The following CSMD1 variants were observed in gnomAD, a reference collection of about 807,000 sequenced individuals.
The protein encoded by CSMD1 is CUB and Sushi multiple domains 1.
Under a neutral mutation model 417.5 loss-of-function variants are expected in CSMD1, and 213 were observed. The observed-to-expected ratio is 0.51, with a 90% CI of 0.46 to 0.57. The LOEUF is 0.57. Ranked by LOEUF, CSMD1 falls within the 20% of genes least tolerant of loss-of-function variation. The probability of loss-of-function intolerance (pLI) is 0.00; values close to 1 mark genes in which losing one functional copy is unlikely to be tolerated. For synonymous variants in CSMD1, 2,862 were observed against 1,736.8 expected (o/e 1.65, Z -16.11); for missense variants, 6,923 against 4,529.7 (o/e 1.53, Z -15.17).
At chr8:3,646,275 T>C (rs1200764617) in intron 7 of CSMD1, among the ~76,000 whole-genome samples, 1 of 152,176 alleles carries the variant, frequency 6.6e-6, no homozygotes, top group Non-Finnish European at 1.5e-5. Context: ...AACTGTAATT[T>C]TTCTCAGTTG....
At chr8:4,576,982 C>T (rs910107315) in intron 2 of CSMD1, among the ~76,000 whole-genome samples, 2 of 152,170 alleles carry the variant, frequency 1.3e-5, no homozygotes, top group African/African-American at 4.8e-5. Context: ...TCGATGAACA[C>T]AGTGTGATTC....
chr8:3,104,787 A>G (rs1353367214), intron 46 of CSMD1, among the ~76,000 whole-genome samples: 1 of 149,350 alleles, frequency 6.7e-6, no homozygotes, highest in Non-Finnish European at 1.5e-5. Flanking sequence ...GGCTCACTGC[A>G]ACCTCCACCT....
intron 3 of CSMD1, among the ~76,000 whole-genome samples, chr8:4,099,719 C>T (rs907462264): frequency 6.6e-6 from 1 of 152,094 alleles, no homozygotes; most frequent in Non-Finnish European, 1.5e-5. Flanking sequence ...TGGGACTTTA[C>T]TTGCTTTCTC....
intron 5 of CSMD1, among the ~76,000 whole-genome samples, chr8:3,917,612 A>ATCACT (rs5888999): frequency 3.3e-5 from 5 of 151,700 alleles, no homozygotes; most frequent in Admixed American, 6.6e-5. Context: ...CTTCATATTT[A>ATCACT]TATTTTACCT....
At chr8:3,787,284 A>G (rs185773076) in intron 5 of CSMD1, among the ~76,000 whole-genome samples, 256 of 152,294 alleles carry the variant, frequency 1.7e-3, no homozygotes, top group Middle Eastern at 0.01. Context: ...ACCATAATCA[A>G]TTTTAGAAAA....
intron 2 of CSMD1, among the ~76,000 whole-genome samples, chr8:4,549,693 A>T (rs1797780484): frequency 6.6e-6 from 1 of 151,942 alleles, no homozygotes; most frequent in South Asian, 2.1e-4. Context: ...GTTCAAGACC[A>T]GCCTGGGCAA....
intron 1 of CSMD1, among the ~76,000 whole-genome samples, chr8:4,716,054 C>A (rs765847738): frequency 4.6e-5 from 7 of 152,186 alleles, no homozygotes; most frequent in Non-Finnish European, 8.8e-5. Flanking sequence ...AGTAAGGGAG[C>A]TGACAGAGAA....
chr8:3,009,791 T>C (rs959185686), intron 52 of CSMD1, among the ~76,000 whole-genome samples: 1 of 152,186 alleles, frequency 6.6e-6, no homozygotes, highest in African/African-American at 2.4e-5. Context: ...CAACACTCTG[T>C]GCTGTTTGTG....
intron 1 of CSMD1, among the ~76,000 whole-genome samples, chr8:4,770,914 C>G (rs910532119): frequency 2.0e-5 from 3 of 152,062 alleles, no homozygotes; most frequent in African/African-American, 7.2e-5. Flanking sequence ...TCCCATATAT[C>G]ACACCAAAAA....
intron 1 of CSMD1, among the ~76,000 whole-genome samples, chr8:4,876,348 C>T (rs1803043197): frequency 6.6e-6 from 1 of 151,978 alleles, no homozygotes; most frequent in Admixed American, 6.5e-5. Flanking sequence ...CTACAGGTAA[C>T]AAACAATTGT....
chr8:3,080,379 G>T (rs1814000412), intron 49 of CSMD1, among the ~76,000 whole-genome samples: 1 of 152,192 alleles, frequency 6.6e-6, no homozygotes, highest in Non-Finnish European at 1.5e-5. Context: ...AGATCTGCCT[G>T]GCTTTATCAA....
At chr8:3,052,787 T>C in intron 49 of CSMD1, 140 bp from the exon 50 acceptor site, 1 of 604,904 alleles carries the variant, frequency 1.7e-6, no homozygotes, top group Non-Finnish European at 2.4e-6. Context: ...TTTTCTTTCT[T>C]TTTTTTTTCT....
intron 5 of CSMD1, among the ~76,000 whole-genome samples, chr8:3,844,996 T>G (rs998807776): frequency 7.9e-5 from 12 of 152,180 alleles, no homozygotes; most frequent in Non-Finnish European, 2.9e-5. Context: ...TGCACAAACT[T>G]TAAAAGTTAA....
At chr8:3,261,794 G>A (rs538493383) in intron 26 of CSMD1, among the ~76,000 whole-genome samples, 1 of 152,064 alleles carries the variant, frequency 6.6e-6, no homozygotes, top group South Asian at 2.1e-4. Flanking sequence ...TTTGTGAAAT[G>A]ATCAAAAGTC....
At chr8:3,376,990 C>A (rs1810347769) in intron 18 of CSMD1, among the ~76,000 whole-genome samples, 1 of 152,084 alleles carries the variant, frequency 6.6e-6, no homozygotes. Context: ...TAACATCACC[C>A]AAAATTTGTA....
intron 5 of CSMD1, among the ~76,000 whole-genome samples, chr8:3,818,015 A>G (rs1801490051): frequency 6.6e-6 from 1 of 152,158 alleles, no homozygotes; most frequent in South Asian, 2.1e-4. Context: ...CTTTATTTTA[A>G]AACCTTCCAA....
intron 1 of CSMD1, among the ~76,000 whole-genome samples, chr8:4,745,956 G>C (rs1483285472): frequency 6.6e-6 from 1 of 152,080 alleles, no homozygotes; most frequent in Admixed American, 6.5e-5. Context: ...GTATCTCATC[G>C]GTACGCTTTG....
chr8:3,355,279 T>C (rs1808706503), intron 21 of CSMD1, among the ~76,000 whole-genome samples: 1 of 152,172 alleles, frequency 6.6e-6, no homozygotes, highest in African/African-American at 2.4e-5. Context: ...GAGAAAATTT[T>C]TTGTTCAAAT....
At chr8:3,448,321 A>AAGGAAGGAAGGAAGAAGGGAGGG (rs1563399730) in intron 12 of CSMD1, among the ~76,000 whole-genome samples, 52 of 1,848 alleles carry the variant, frequency 0.028, 6 homozygotes, top group Non-Finnish European at 0.051. Context: ...GGAAGGAAGG[A>AAGGAAGGAAGGAAGAAGGGAGGG]AGGGAGCAAG....
Sources: allele counts gnomAD v4.1 joint callset (sites outside exome capture counted in the v4.1 genomes callset), GRCh38; gene constraint gnomAD v4.1.1; transcripts MANE v1.5; gene names NCBI Gene and HGNC (gene_info 2026-07-23, HGNC 2026-07-21).